SV2B: variants seen among roughly 807,000 people sequenced by gnomAD.
SV2B encodes the protein synaptic vesicle glycoprotein 2B.
A neutral mutation model predicts 73.9 loss-of-function variants in SV2B; 41 were observed. That is an observed-to-expected ratio of 0.56 (90% CI 0.43 to 0.72). The LOEUF (loss-of-function observed/expected upper bound fraction) is 0.72, where lower values mean the gene tolerates loss of function less well. Ranked by LOEUF, SV2B falls within the 30% of genes least tolerant of loss-of-function variation. The probability of loss-of-function intolerance (pLI) is 0.00; values close to 1 mark genes in which losing one functional copy is unlikely to be tolerated. For synonymous variants in SV2B, 314 were observed against 314.2 expected (o/e 1.00, Z 0.01); for missense variants, 764 against 857.8 (o/e 0.89, Z 1.37).
rs1374998411 is a variant in SV2B, at chr15:91,229,307, C to G, written c.451+2593C>G. On this transcript the variant is annotated intron_variant, in intron 2 of 12. Transcript: ENST00000394232. The surrounding 1 kb of genome is among the most constrained non-coding windows in gnomAD (Gnocchi z 4.3). ...TGGGCAAGTTATGACTCCTCTAATTCTCGGTGTTTCCATCTGTAGAATAAG... is the reference window on the plus strand; with the variant it reads ...TGGGCAAGTTATGACTCCTCTAATTGTCGGTGTTTCCATCTGTAGAATAAG... Among the ~76,000 whole-genome samples the G allele has an allele frequency of 6.6e-6, 1 of 152,086 alleles. No homozygotes were observed. The highest frequency in any genetic ancestry group is 1.5e-5 in the Non-Finnish European group (1 of 68,018).
chr15:91,210,019 T>A (rs562809783), intron 1 of SV2B, among the ~76,000 whole-genome samples: 2 of 151,954 alleles, frequency 1.3e-5, no homozygotes, highest in African/African-American at 4.8e-5. Flanking sequence ...GGGGACTAAT[T>A]ATAGAGCAGG....
rs558127259 is a variant in SV2B, at chr15:91,147,958, C to T, written c.-392+47595C>T. On this transcript the variant is annotated intron_variant, in intron 1 of 12. Transcript: ENST00000394232. ...TCTGTTTGTTCCCCACCCCGCACCC[C>T]CCCCAACTTTTTTTTTTTTTTTTTT... 3.1e-4 allele frequency among the ~76,000 whole-genome samples: 46 copies of T among 147,746 alleles called. 3 individuals are homozygous for T. In the South Asian group the frequency reaches 9.5e-3, roughly 30 times the overall value.
intron 1 of SV2B, among the ~76,000 whole-genome samples, chr15:91,168,301 C>CGAGAGGGAGAGAGAGAGA: frequency 7.3e-6 from 1 of 137,292 alleles, no homozygotes. Context: ...TGGTGAGATA[C>CGAGAGGGAGAGAGAGAGA]GAGAGAGAGA....
intron 1 of SV2B, among the ~76,000 whole-genome samples, chr15:91,181,965 A>G (rs965248507): frequency 1.3e-5 from 2 of 152,158 alleles, no homozygotes; most frequent in African/African-American, 4.8e-5. Flanking sequence ...ATGTATTTAC[A>G]TGTTAGGCAT....
chr15:91,238,105 A>G (rs2046862014), intron 2 of SV2B, among the ~76,000 whole-genome samples: 1 of 152,208 alleles, frequency 6.6e-6, no homozygotes, highest in African/African-American at 2.4e-5. Flanking sequence ...TCCCATACAG[A>G]CTTCTTCATA....
chr15:91,102,628 G>A (rs184532844), intron 1 of SV2B, among the ~76,000 whole-genome samples: 332 of 152,318 alleles, frequency 2.2e-3, no homozygotes, highest in Admixed American at 4.9e-3. Flanking sequence ...GTATGTGTGT[G>A]TGTGTAAGAT....
chr15:91,103,158 A>G (rs2041784270), intron 1 of SV2B, among the ~76,000 whole-genome samples: 1 of 152,232 alleles, frequency 6.6e-6, no homozygotes, highest in South Asian at 2.1e-4. Context: ...TGGTTGGTAG[A>G]TATAAGTACT....
rs1271403702 is a variant in SV2B, at chr15:91,294,163, A to T, written c.*1611A>T. On this transcript the variant is annotated 3_prime_UTR_variant, in exon 13 of 13. Transcript: ENST00000394232. The surrounding 1 kb of genome is among the most constrained non-coding windows in gnomAD (Gnocchi z 4.1). ...CACATTTTCCCTGGCAGAGATCTCC[A>T]AAAATTTAAAACAGAATAATAATGG... The T allele has an allele frequency of 6.6e-6, 1 of 152,220 alleles. No individual in the cohort carries two copies. The highest frequency in any genetic ancestry group is 1.5e-5 in the Non-Finnish European group (1 of 68,036). The allele number at this position is 152,220 out of a possible 1,614,324, so 9.4% of individuals were successfully genotyped here. A position where few individuals can be genotyped will look rare whatever the true frequency, so the allele number is the denominator to read the frequency against.
chr15:91,186,923 A>T (rs923188976), intron 1 of SV2B, among the ~76,000 whole-genome samples: 1 of 152,230 alleles, frequency 6.6e-6, no homozygotes, highest in African/African-American at 2.4e-5. Context: ...TAAGCATTTT[A>T]TTTAGAAGCA....
chr15:91,160,155 T>G (rs2141246424), intron 1 of SV2B, among the ~76,000 whole-genome samples: 1 of 152,258 alleles, frequency 6.6e-6, no homozygotes, highest in Admixed American at 6.5e-5. Flanking sequence ...AACCAAAATA[T>G]TTAATATAAT....
chr15:91,226,815 A>G (rs1490498232), intron 2 of SV2B, 101 bp downstream of exon 2: 1 of 1,380,686 alleles, frequency 7.2e-7, no homozygotes, highest in Non-Finnish European at 9.6e-7. Flanking sequence ...ATCACAATGT[A>G]CCCATTTTGC....
intron 1 of SV2B, among the ~76,000 whole-genome samples, chr15:91,164,974 T>G (rs111673805): frequency 0.028 from 4,209 of 152,304 alleles, 218 homozygotes; most frequent in African/African-American, 0.094. Context: ...TCTGTTTGTG[T>G]TTTTTAGTAC....
At chr15:91,287,119 G>A (rs1227355383) in intron 11 of SV2B, among the ~76,000 whole-genome samples, 2 of 152,250 alleles carry the variant, frequency 1.3e-5, no homozygotes, top group East Asian at 3.9e-4. Context: ...TTTGGAAAAA[G>A]GTTACCAGGC....
chr15:91,277,487 C>T (rs2048531672), intron 9 of SV2B, among the ~76,000 whole-genome samples: 1 of 152,188 alleles, frequency 6.6e-6, no homozygotes, highest in Non-Finnish European at 1.5e-5. Flanking sequence ...ATTTTGTGGT[C>T]AGCCCTTTCT....
In SV2B at chr15:91,141,718, G is replaced by A. The variant is rs1398156255; in HGVS notation, c.-392+41355G>A. Among the ~76,000 whole-genome samples the A allele has an allele frequency of 3.3e-5, 5 of 150,458 alleles. No homozygotes were observed. The highest frequency in any genetic ancestry group is 4.4e-5 in the Non-Finnish European group (3 of 67,758). On this transcript the variant is annotated intron_variant, in intron 1 of 12. Transcript: ENST00000394232. This position sits in a 1 kb window ranked among gnomAD's most constrained non-coding sequence, Gnocchi z 4.6. ...TTTCCTAAGGGTTCAAGCCAATAGA[G>A]TTGCCAAATAGTTTGGGTTTTGTTT...
rs1347025533 is a variant in SV2B at position 91,137,656 on chromosome 15, C to G, written c.-392+37293C>G. On this transcript the variant is annotated intron_variant, in intron 1 of 12. Transcript: ENST00000394232. This position sits in a 1 kb window ranked among gnomAD's most constrained non-coding sequence, Gnocchi z 4.9. ...ATATTTCATATATACATATATATTTCATATATACATATATTTCATATATAT... is the reference window on the plus strand; with the variant it reads ...ATATTTCATATATACATATATATTTGATATATACATATATTTCATATATAT... Among the ~76,000 whole-genome samples the G allele has an allele frequency of 6.9e-6, 1 of 144,314 alleles. No homozygotes were observed. Among genetic ancestry groups the G allele is most frequent in the African/African-American group, 2.5e-5 (1 of 39,386 alleles). 94.7% of individuals were successfully genotyped at this position (144,314 alleles called of 152,430 possible). A position where few individuals can be genotyped will look rare whatever the true frequency, so the allele number is the denominator to read the frequency against.
intron 1 of SV2B, among the ~76,000 whole-genome samples, chr15:91,164,832 C>G (rs1411567018): frequency 6.6e-6 from 1 of 152,128 alleles, no homozygotes; most frequent in Non-Finnish European, 1.5e-5. Context: ...CAGTGGAGAG[C>G]CATGCAAGAC....
intron 6 of SV2B, among the ~76,000 whole-genome samples, chr15:91,263,473 C>A (rs1441330683): frequency 1.3e-5 from 2 of 151,602 alleles, no homozygotes; most frequent in Admixed American, 1.3e-4. Context: ...TACGGACACA[C>A]AGGGACACAC....
At chr15:91,164,558 A>C (rs1347837839) in intron 1 of SV2B, among the ~76,000 whole-genome samples, 1 of 152,172 alleles carries the variant, frequency 6.6e-6, no homozygotes. Flanking sequence ...TTGGGACCTT[A>C]ACTATATCTG....
Sources: allele counts gnomAD v4.1 joint callset (sites outside exome capture counted in the v4.1 genomes callset), GRCh38; gene constraint gnomAD v4.1.1; non-coding constraint Gnocchi (gnomAD v3.1); transcripts MANE v1.5; gene names NCBI Gene and HGNC (gene_info 2026-07-23, HGNC 2026-07-21).